Variants in IQCM observed in about 807,000 individuals in gnomAD.
The protein encoded by IQCM is IQ motif containing M.
IQCM carries 45 observed loss-of-function variants against 57.6 expected under a neutral mutation model. That is an observed-to-expected ratio of 0.78 (90% CI 0.62 to 1.00). The LOEUF (loss-of-function observed/expected upper bound fraction) is 1.00. Among genes scored for constraint, IQCM ranks in the 50% least tolerant of loss-of-function variants. The pLI is 0.00. For synonymous variants in IQCM, 148 were observed against 158.9 expected (o/e 0.93, Z 0.51); for missense variants, 468 against 511.6 (o/e 0.91, Z 0.82).
At chr4:149,454,491 G>A (rs986636298) in intron 12 of IQCM, among the ~76,000 whole-genome samples, 1 of 151,516 alleles carries the variant, frequency 6.6e-6, no homozygotes, top group Non-Finnish European at 1.5e-5. Context: ...GGAGGGTGAG[G>A]ATCAAAAAAA....
chr4:149,750,159 T>C (rs1243604209), intron 2 of IQCM, among the ~76,000 whole-genome samples: 1 of 152,212 alleles, frequency 6.6e-6, no homozygotes, highest in Non-Finnish European at 1.5e-5. Flanking sequence ...GTTATCTTGA[T>C]AAAATTTTGA....
At chr4:149,665,126 G>A (rs1189655228) in intron 7 of IQCM, among the ~76,000 whole-genome samples, 1 of 152,084 alleles carries the variant, frequency 6.6e-6, no homozygotes, top group Admixed American at 6.6e-5. Flanking sequence ...GTGGCTACTG[G>A]CCCCTGGGGT....
chr4:149,567,061 T>C (rs193042748), intron 9 of IQCM, among the ~76,000 whole-genome samples: 209 of 152,322 alleles, frequency 1.4e-3, no homozygotes, highest in African/African-American at 4.9e-3. Context: ...CAGTTTGCTC[T>C]TAACATAGGG....
intron 8 of IQCM, among the ~76,000 whole-genome samples, chr4:149,612,739 T>C (rs1561059193): frequency 6.6e-6 from 1 of 152,164 alleles, no homozygotes; most frequent in African/African-American, 2.4e-5. Context: ...AATATCTATG[T>C]CATTTTGTCG....
At chr4:149,542,285 A>G (rs1382018197) in intron 12 of IQCM, among the ~76,000 whole-genome samples, 1 of 152,118 alleles carries the variant, frequency 6.6e-6, no homozygotes, top group African/African-American at 2.4e-5. Context: ...TAGTTTAAAT[A>G]AGAATCTTAA....
chr4:149,536,130 GA>G (rs1747268614), intron 12 of IQCM, among the ~76,000 whole-genome samples: 1 of 151,974 alleles, frequency 6.6e-6, no homozygotes. Flanking sequence ...CAGCTCTAGG[GA>G]AAAGGGTTTA....
At chr4:149,367,070 C>T (rs1729896655) in intron 13 of IQCM, among the ~76,000 whole-genome samples, 1 of 151,898 alleles carries the variant, frequency 6.6e-6, no homozygotes, top group Non-Finnish European at 1.5e-5. Flanking sequence ...TTTCTGTTTA[C>T]CAATACCTGA....
intron 12 of IQCM, among the ~76,000 whole-genome samples, chr4:149,521,918 C>T (rs767652007): frequency 1.8e-4 from 27 of 152,250 alleles, no homozygotes; most frequent in Middle Eastern, 3.4e-3. Flanking sequence ...CTGCATCCAA[C>T]GCAAGAAACA....
chr4:149,401,584 A>G (rs1377752306), intron 13 of IQCM, among the ~76,000 whole-genome samples: 1 of 151,856 alleles, frequency 6.6e-6, no homozygotes, highest in East Asian at 1.9e-4. Flanking sequence ...ACTAGCAAAC[A>G]TCTCATGGAA....
chr4:149,475,780 G>A (rs1740120248), intron 12 of IQCM, among the ~76,000 whole-genome samples: 1 of 152,110 alleles, frequency 6.6e-6, no homozygotes, highest in Non-Finnish European at 1.5e-5. Flanking sequence ...TCAACTTTGG[G>A]ATATCATGCT....
chr4:149,355,891 C>T, intron 13 of IQCM, among the ~76,000 whole-genome samples: 1 of 152,060 alleles, frequency 6.6e-6, no homozygotes, highest in East Asian at 1.9e-4. Flanking sequence ...TTCTCCACAT[C>T]CTCTCCAGCA....
At chr4:149,481,696 G>GTTTTTTTTTTTTTTTTTT (rs1197852884) in intron 12 of IQCM, among the ~76,000 whole-genome samples, 63 of 33,610 alleles carry the variant, frequency 1.9e-3, no homozygotes, top group East Asian at 2.7e-3. Flanking sequence ...GATTCTTCCA[G>GTTTTTTTTTTTTTTTTTT]TTTTGTTTTT....
chr4:149,589,539 T>C (rs922726014), intron 8 of IQCM, among the ~76,000 whole-genome samples: 3 of 151,990 alleles, frequency 2.0e-5, no homozygotes, highest in Non-Finnish European at 4.4e-5. Flanking sequence ...CAAATCTCTT[T>C]TACTGAGTTA....
intron 13 of IQCM, among the ~76,000 whole-genome samples, chr4:149,380,047 G>T (rs1227840507): frequency 6.6e-6 from 1 of 152,134 alleles, no homozygotes; most frequent in East Asian, 1.9e-4. Flanking sequence ...TGCCATGTGA[G>T]ATGTGCCTTT....
intron 7 of IQCM, among the ~76,000 whole-genome samples, chr4:149,649,822 C>T (rs1758993076): frequency 6.6e-6 from 1 of 152,140 alleles, no homozygotes; most frequent in South Asian, 2.1e-4. Flanking sequence ...ATAATAATCA[C>T]TGTCAGGTCT....
intron 9 of IQCM, among the ~76,000 whole-genome samples, chr4:149,577,632 G>A (rs192009700): frequency 6.6e-6 from 1 of 151,214 alleles, no homozygotes; most frequent in Admixed American, 6.6e-5. Context: ...GGTTACTGTA[G>A]CCTTATAGTA....
chr4:149,633,935 T>C (rs1226794637), intron 7 of IQCM, among the ~76,000 whole-genome samples: 1 of 152,214 alleles, frequency 6.6e-6, no homozygotes, highest in Non-Finnish European at 1.5e-5. Flanking sequence ...ATAACAAAGA[T>C]AACCCTGAAT....
intron 7 of IQCM, among the ~76,000 whole-genome samples, chr4:149,669,139 G>A (rs1487473645): frequency 6.6e-6 from 1 of 152,170 alleles, no homozygotes; most frequent in Non-Finnish European, 1.5e-5. Context: ...TCCAGCACCT[G>A]TTGTGTTTCC....
chr4:149,719,994 C>T (rs73857714), intron 5 of IQCM, among the ~76,000 whole-genome samples: 1,987 of 152,266 alleles, frequency 0.013, 44 homozygotes, highest in African/African-American at 0.044. Context: ...AAAGCTACTG[C>T]TCTCATTTCA....
Sources: allele counts gnomAD v4.1 joint callset (sites outside exome capture counted in the v4.1 genomes callset), GRCh38; gene constraint gnomAD v4.1.1; transcripts MANE v1.5; gene names NCBI Gene and HGNC (gene_info 2026-07-23, HGNC 2026-07-21).